The following SOCS7 variants were observed in gnomAD, a reference collection of about 807,000 sequenced individuals.
SOCS7 encodes the protein NAP-4.
A neutral mutation model predicts 58.9 loss-of-function variants in SOCS7; 18 were observed. The observed-to-expected ratio is 0.31, with a 90% CI of 0.21 to 0.45. The LOEUF is 0.45. Among genes scored for constraint, SOCS7 ranks in the 20% least tolerant of loss-of-function variants. SOCS7 has a pLI of 1.00. For synonymous variants in SOCS7, 388 were observed against 364.3 expected (o/e 1.06, Z -0.74); for missense variants, 667 against 837.3 (o/e 0.80, Z 2.51).
intron 7 of SOCS7, among the ~76,000 whole-genome samples, chr17:38,380,051 C>T (rs2037981254): frequency 6.6e-6 from 1 of 152,094 alleles, no homozygotes; most frequent in African/African-American, 2.4e-5. Flanking sequence ...CGGGAAATCT[C>T]AAAGAAGATT....
Position 38,361,750 on chromosome 17 carries a change from G to A in SOCS7, c.1020G>A (p.Pro340=), listed in dbSNP as rs368047299. The A allele has an allele frequency of 1.2e-5, 20 of 1,613,104 alleles. No individual in the cohort carries two copies. The highest frequency in any genetic ancestry group is 1.2e-4 in the African/African-American group (9 of 74,868). ...KLTRTQSAFS[P]VSFSPLFTGE... is the part of the protein sequence containing the mutation. ...CAAGAACTCAAAGTGCCTTTTCTCC[G>A]GTCTCCTTCAGCCCCCTGTTCACAG... The change falls in exon 2 of 10, where the codon CCG becomes CCA. Residue 340 remains proline (P), a synonymous_variant. Transcript: ENST00000612932.
At chr17:38,363,993 T>C (rs979746873) in intron 2 of SOCS7, among the ~76,000 whole-genome samples, 1 of 152,098 alleles carries the variant, frequency 6.6e-6, no homozygotes, top group African/African-American at 2.4e-5. Context: ...CAGAGTTGGG[T>C]GGCAAGGAGT....
intron 5 of SOCS7, among the ~76,000 whole-genome samples, chr17:38,367,257 G>A (rs2037802725): frequency 2.6e-5 from 4 of 151,762 alleles, no homozygotes; most frequent in Admixed American, 2.6e-4. Context: ...TAGAAATGGG[G>A]TTTCACCATG....
intron 9 of SOCS7, among the ~76,000 whole-genome samples, chr17:38,398,677 G>T (rs2038276491): frequency 6.6e-6 from 1 of 152,196 alleles, no homozygotes; most frequent in Non-Finnish European, 1.5e-5. Context: ...ATGCCAGGGG[G>T]TTTGGAGTCA....
rs2038300757 is a variant in SOCS7, at chr17:38,400,230, G to A, written c.*748G>A. 1 of 152,188 alleles carries A rather than the reference G, an allele frequency of 6.6e-6. No homozygotes were observed. Among genetic ancestry groups the A allele is most frequent in the Non-Finnish European group, 1.5e-5 (1 of 68,064 alleles). 9.4% of individuals were successfully genotyped at this position (152,188 alleles called of 1,614,324 possible). On this transcript the variant is annotated 3_prime_UTR_variant, in exon 10 of 10. Transcript: ENST00000612932. ...ATTTACTTAATTCCTTAAGTTCCAT[G>A]ACCTGAAGTTAACCCCGTTCTTCCT...
chr17:38,381,968 A>C (rs1335763295), intron 7 of SOCS7, among the ~76,000 whole-genome samples: 3 of 149,508 alleles, frequency 2.0e-5, no homozygotes, highest in African/African-American at 5.0e-5. Context: ...AAAAAAAAAA[A>C]AAAAAACCTA....
intron 7 of SOCS7, among the ~76,000 whole-genome samples, chr17:38,379,433 T>A (rs1456810959): frequency 6.6e-6 from 1 of 151,966 alleles, no homozygotes; most frequent in East Asian, 1.9e-4. Context: ...GAGCTGAGAT[T>A]GCGCCATTGC....
chr17:38,364,420 A>T (rs2037760160), intron 2 of SOCS7, among the ~76,000 whole-genome samples: 1 of 152,206 alleles, frequency 6.6e-6, no homozygotes, highest in South Asian at 2.1e-4. Context: ...CTGAAAAAAT[A>T]AATGGTATGG....
At chr17:38,394,767 G>C (rs1032856047) in intron 7 of SOCS7, among the ~76,000 whole-genome samples, 2 of 152,170 alleles carry the variant, frequency 1.3e-5, no homozygotes, top group African/African-American at 4.8e-5. Flanking sequence ...GTGATGCTAG[G>C]AGCCAGGCAC....
chr17:38,355,069 C>T (rs1460395021), intron 1 of SOCS7, among the ~76,000 whole-genome samples: 2 of 152,024 alleles, frequency 1.3e-5, no homozygotes. Flanking sequence ...GGTCCAAGGG[C>T]TTTTTTTGAT....
intron 7 of SOCS7, among the ~76,000 whole-genome samples, chr17:38,384,369 T>A (rs2038040706): frequency 6.6e-6 from 1 of 152,166 alleles, no homozygotes. Context: ...AGTAGTGCAA[T>A]CATGCCTTGA....
At chr17:38,386,956 G>A (rs931309631) in intron 7 of SOCS7, among the ~76,000 whole-genome samples, 2 of 150,272 alleles carry the variant, frequency 1.3e-5, no homozygotes, top group African/African-American at 4.9e-5. Flanking sequence ...CGTGGTGGTG[G>A]GCACCTATAG....
chr17:38,367,108 A>G (rs1327564123), intron 5 of SOCS7, among the ~76,000 whole-genome samples: 3 of 152,172 alleles, frequency 2.0e-5, no homozygotes, highest in Admixed American at 6.5e-5. Context: ...CTTGTTGCCC[A>G]GGCTGGAGTG....
rs1448266784 is a variant in SOCS7, at chr17:38,352,048, C to T, written c.-5C>T. 2.0e-5 allele frequency among the ~76,000 whole-genome samples: 3 copies of T among 150,834 alleles called. No homozygotes were observed. Among genetic ancestry groups the T allele is most frequent in the Admixed American group, 6.6e-5 (1 of 15,146 alleles). Reference sequence around the variant, plus strand: ...CCAGCCGCCCGCCCTCCCTCCCTCTCCCCGATGCAGGAGGCCGAGCTCCGG... The same window carrying T: ...CCAGCCGCCCGCCCTCCCTCCCTCTTCCCGATGCAGGAGGCCGAGCTCCGG... On this transcript the variant is annotated 5_prime_UTR_variant, in exon 1 of 10. Coordinates refer to ENST00000612932, the MANE Select transcript of SOCS7 (RefSeq NM_014598.4). This position sits in a 1 kb window ranked among gnomAD's most constrained non-coding sequence, Gnocchi z 5.5.
chr17:38,376,478 TC>T (rs1393558883), intron 6 of SOCS7, among the ~76,000 whole-genome samples: 16 of 152,138 alleles, frequency 1.1e-4, no homozygotes, highest in African/African-American at 3.9e-4. Flanking sequence ...ACGTTTGTAA[TC>T]CCAGCACTTA....
intron 8 of SOCS7, 108 bp from the exon 9 acceptor site, chr17:38,395,740 G>T: frequency 8.8e-7 from 1 of 1,134,976 alleles, no homozygotes; most frequent in South Asian, 1.3e-5. Flanking sequence ...TGGGGATTGT[G>T]TTAGGTCTCA....
At chr17:38,361,797 C>G (rs1043247217) in intron 2 of SOCS7, 22 bp downstream of exon 2, 1 of 1,562,050 alleles carries the variant, frequency 6.4e-7, no homozygotes, top group African/African-American at 1.4e-5. Flanking sequence ...ATCTTTCTCT[C>G]TTCTGACATC....
chr17:38,405,168 A>G lies in SOCS7; in HGVS notation c.*5686A>G, dbSNP rs1316082048. 3 of 152,188 alleles carry G rather than the reference A, an allele frequency of 2.0e-5. No individual in the cohort carries two copies. The highest frequency in any genetic ancestry group is 2.0e-4 in the Admixed American group (3 of 15,284). The allele number at this position is 152,188 out of a possible 1,614,324, so 9.4% of individuals were successfully genotyped here. A position where few individuals can be genotyped will look rare whatever the true frequency, so the allele number is the denominator to read the frequency against. On this transcript the variant is annotated 3_prime_UTR_variant, in exon 10 of 10. Transcript: ENST00000612932. ...GTATAATTTATTTTCATAAACTATAAAAAAATACTAAATGGTTAAAATAGA... is the reference window on the plus strand; with the variant it reads ...GTATAATTTATTTTCATAAACTATAGAAAAATACTAAATGGTTAAAATAGA...
chr17:38,382,167 A>T (rs547109511), intron 7 of SOCS7, among the ~76,000 whole-genome samples: 1 of 150,374 alleles, frequency 6.7e-6, no homozygotes, highest in Non-Finnish European at 1.5e-5. Flanking sequence ...GGTGGCTCAC[A>T]TCTGTAATCC....
Sources: gnomAD v4.1 joint callset for allele counts (sites outside exome capture counted in the v4.1 genomes callset) on GRCh38, gnomAD v4.1.1 for gene constraint, Gnocchi (gnomAD v3.1) non-coding constraint, MANE v1.5 for transcripts, NCBI Gene and HGNC (gene_info 2026-07-23, HGNC 2026-07-21) for gene names.